The following LNPK variants were observed in gnomAD, a reference collection of about 807,000 sequenced individuals.
LNPK encodes endoplasmic reticulum junction formation protein lunapark.
A neutral mutation model predicts 55.2 loss-of-function variants in LNPK; 29 were observed. The observed-to-expected ratio is 0.53, with a 90% CI of 0.39 to 0.72. The LOEUF (loss-of-function observed/expected upper bound fraction) is 0.72. LNPK is among the 30% of genes least tolerant of loss of function. The pLI is 0.00. For missense variants in LNPK, 467 were observed against 494.8 expected (o/e 0.94, Z 0.53); for synonymous variants, 162 against 168.2 (o/e 0.96, Z 0.29).
At chr2:175,996,417 G>A (rs963313141) in intron 1 of LNPK, among the ~76,000 whole-genome samples, 1 of 152,156 alleles carries the variant, frequency 6.6e-6, no homozygotes, top group African/African-American at 2.4e-5. Context: ...AAAGCCAGCT[G>A]AGTTATGAAT....
chr2:175,935,743 T>C, intron 12 of LNPK: 1 of 976,816 alleles, frequency 1.0e-6, no homozygotes, highest in Non-Finnish European at 1.2e-6. Context: ...TAAGACTTCT[T>C]TCCAGGAATT....
chr2:175,953,055 A>T (rs1482604890), intron 8 of LNPK, among the ~76,000 whole-genome samples: 1 of 152,098 alleles, frequency 6.6e-6, no homozygotes, highest in East Asian at 1.9e-4. Flanking sequence ...CCAGGATTCA[A>T]ATTCTGGTTT....
chr2:175,933,559 C>T (rs2053740), intron 12 of LNPK, among the ~76,000 whole-genome samples: 152,220 of 152,222 alleles, frequency 1, 76,109 homozygotes, highest in Non-Finnish European at 1. Context: ...AGGAAAATGG[C>T]TAACTCATAT....
chr2:175,963,657 A>G lies in LNPK; in HGVS notation c.493+715T>C, dbSNP rs142717683. Among the ~76,000 whole-genome samples the G allele has an allele frequency of 3.0e-4, 45 of 152,268 alleles. No homozygotes were observed. In the East Asian group the frequency reaches 8.1e-3, roughly 27 times the overall value. Reference sequence around the variant, plus strand: ...AACATGGCACATATATACATATGTAACTAACTTGCACATTGTGTACATGTA... The same window carrying G: ...AACATGGCACATATATACATATGTAGCTAACTTGCACATTGTGTACATGTA... On this transcript the variant is annotated intron_variant, in intron 8 of 12. Transcript: ENST00000272748.
At chr2:175,983,634 A>C (rs1687279113) in intron 4 of LNPK, among the ~76,000 whole-genome samples, 1 of 152,186 alleles carries the variant, frequency 6.6e-6, no homozygotes. Flanking sequence ...CCAACTCTAT[A>C]ATGTAAATGG....
At chr2:175,978,030 C>T (rs561669159) in intron 5 of LNPK, among the ~76,000 whole-genome samples, 1 of 152,142 alleles carries the variant, frequency 6.6e-6, no homozygotes, top group South Asian at 2.1e-4. Flanking sequence ...GCCAGTCTTA[C>T]AAAATATAAT....
intron 2 of LNPK, chr2:175,994,302 G>T: frequency 2.0e-6 from 2 of 983,422 alleles, no homozygotes; most frequent in Non-Finnish European, 1.2e-6. Flanking sequence ...GACAAAACAA[G>T]AAGAGATAAA....
chr2:175,952,100 C>T (rs545438138), intron 8 of LNPK, among the ~76,000 whole-genome samples: 9 of 151,812 alleles, frequency 5.9e-5, no homozygotes, highest in East Asian at 3.9e-4. Context: ...TTGCTCCTTA[C>T]GTGAACTAAA....
At chr2:175,956,783 T>C (rs1685716278) in intron 8 of LNPK, among the ~76,000 whole-genome samples, 1 of 152,108 alleles carries the variant, frequency 6.6e-6, no homozygotes, top group African/African-American at 2.4e-5. Flanking sequence ...TCCATTGTGA[T>C]AATGGCTCGC....
At chr2:175,949,164 T>C (rs1685284441) in intron 8 of LNPK, among the ~76,000 whole-genome samples, 1 of 152,114 alleles carries the variant, frequency 6.6e-6, no homozygotes, top group Non-Finnish European at 1.5e-5. Flanking sequence ...AATAATAAAT[T>C]ATAAGCACAG....
intron 4 of LNPK, among the ~76,000 whole-genome samples, chr2:175,988,356 A>C (rs1687526513): frequency 6.6e-6 from 1 of 151,848 alleles, no homozygotes; most frequent in Admixed American, 6.6e-5. Context: ...AAAACAAAAA[A>C]CAAAAATTAG....
chr2:176,001,112 T>C lies in LNPK; in HGVS notation c.-63+1048A>G, dbSNP rs72914735. Among the ~76,000 whole-genome samples the C allele has an allele frequency of 4.7e-3, 709 of 152,266 alleles. 3 individuals carry two copies. The highest frequency in any genetic ancestry group is 0.014 in the Middle Eastern group (4 of 294). On this transcript the variant is annotated intron_variant, in intron 1 of 12. Transcript: ENST00000272748. The stretch of plus-strand genomic sequence containing the variant: ...TGATCTCAATAGATAACAGACAACC[T>C]TAAAATTCTAATTTAAACGCACCAC...
intron 1 of LNPK, 146 bp from the exon 2 acceptor site, chr2:175,995,792 G>A (rs1687902045): frequency 4.5e-6 from 1 of 222,080 alleles, no homozygotes; most frequent in Non-Finnish European, 8.7e-6. Context: ...CAGTTATTGG[G>A]ATAGAGTCTA....
At chr2:175,966,448 G>A (rs748003018) in intron 6 of LNPK, among the ~76,000 whole-genome samples, 5 of 152,066 alleles carry the variant, frequency 3.3e-5, no homozygotes, top group African/African-American at 4.8e-5. Context: ...CTACTACTAG[G>A]TTTAAAAAGA....
Position 175,927,487 on chromosome 2 carries a change from A to T in LNPK, c.*2480T>A. 6.6e-6 allele frequency: 1 copy of T among 152,272 alleles called. No homozygotes were observed. Among genetic ancestry groups the T allele is most frequent in the Non-Finnish European group, 1.5e-5 (1 of 68,080 alleles). 9.4% of individuals were successfully genotyped at this position (152,272 alleles called of 1,614,324 possible). On this transcript the variant is annotated 3_prime_UTR_variant, in exon 13 of 13. Transcript: ENST00000272748. ...AGTTTGGGAAGGCATCTCTCTGAGG[A>T]GGCAAAATTTAAGCTGAAATCTGAG...
intron 8 of LNPK, among the ~76,000 whole-genome samples, chr2:175,964,065 G>C (rs1686206555): frequency 2.0e-5 from 3 of 151,916 alleles, no homozygotes. Flanking sequence ...TATTCCAAGA[G>C]ACTATTATTT....
chr2:175,944,234 C>T (rs937523826), intron 9 of LNPK, among the ~76,000 whole-genome samples: 5 of 151,994 alleles, frequency 3.3e-5, no homozygotes, highest in Non-Finnish European at 5.9e-5. Flanking sequence ...AAAATCTATA[C>T]ACCAAACACT....
At position 175,939,579 on chromosome 2, in the gene LNPK, T is replaced by A. The variant is rs766545501; in HGVS notation, c.785A>T (p.Tyr262Phe). 3.1e-6 allele frequency: 5 copies of A among 1,600,338 alleles called. No individual in the cohort carries two copies. In the South Asian group the frequency reaches 4.4e-5, roughly 14 times the overall value. ...ERGALDRIVE[Y>F]LVGDGPQNRY... Reference sequence around the variant, plus strand: ...GTTTTGTGGACCATCACCAACCAAATATTCAACAATTCTATCCAAAGCACC... The same window carrying A: ...GTTTTGTGGACCATCACCAACCAAAAATTCAACAATTCTATCCAAAGCACC... Residue 262 changes from tyrosine to phenylalanine, a missense_variant, in exon 10 of 13, where the codon TAT becomes TTT. Coordinates refer to ENST00000272748, the MANE Select transcript of LNPK (RefSeq NM_030650.3).
chr2:175,938,225 T>C lies in LNPK; in HGVS notation c.883+88A>G, dbSNP rs1684647628. On this transcript the variant is annotated intron_variant, in intron 11 of 12. Coordinates refer to ENST00000272748, the MANE Select transcript of LNPK (RefSeq NM_030650.3). ...AACCAATGTATACAAAGAGAGTATA[T>C]AAAATAAAATGACACTGCATAGAAA... The C allele has an allele frequency of 8.9e-6, 7 of 786,742 alleles. No homozygotes were observed. In the East Asian group the frequency reaches 1.8e-4, roughly 20 times the overall value. The allele number at this position is 786,742 out of a possible 1,614,324, so 48.7% of individuals were successfully genotyped here. A position where few individuals can be genotyped will look rare whatever the true frequency, so the allele number is the denominator to read the frequency against.
Sources: allele counts gnomAD v4.1 joint callset (sites outside exome capture counted in the v4.1 genomes callset), GRCh38; gene constraint gnomAD v4.1.1; transcripts MANE v1.5; gene names NCBI Gene and HGNC (gene_info 2026-07-23, HGNC 2026-07-21).